The following XIRP2 variants were observed in gnomAD, a reference collection of about 807,000 sequenced individuals.
XIRP2 encodes xin actin-binding repeat-containing protein 2.
Under a neutral mutation model 277.0 loss-of-function variants are expected in XIRP2, and 236 were observed. The observed-to-expected ratio is 0.85, with a 90% CI of 0.77 to 0.95. The LOEUF is 0.95. Among genes scored for constraint, XIRP2 ranks in the 40% least tolerant of loss-of-function variants. XIRP2 has a pLI of 0.00. For synonymous variants in XIRP2, 1,490 were observed against 1,416.5 expected (o/e 1.05, Z -1.17); for missense variants, 4,640 against 4,157.5 (o/e 1.12, Z -3.19).
At chr2:167,190,389 C>G (rs577219018) in intron 3 of XIRP2, among the ~76,000 whole-genome samples, 205 of 152,256 alleles carry the variant, frequency 1.3e-3, no homozygotes, top group South Asian at 0.012. Flanking sequence ...CCCTACCCCC[C>G]ACTCCTGACT....
At chr2:167,015,820 CT>C (rs1366279554) in intron 2 of XIRP2, among the ~76,000 whole-genome samples, 10 of 151,812 alleles carry the variant, frequency 6.6e-5, no homozygotes, top group Middle Eastern at 3.4e-3. Context: ...CCTAAGTTGT[CT>C]TCTTCTGTCT....
intron 2 of XIRP2, among the ~76,000 whole-genome samples, chr2:166,907,606 A>G (rs1202136143): frequency 6.6e-6 from 1 of 150,774 alleles, no homozygotes; most frequent in Admixed American, 6.6e-5. Context: ...TGGACAGGTC[A>G]TAGAAGTTTT....
intron 2 of XIRP2, among the ~76,000 whole-genome samples, chr2:166,951,700 C>T (rs1686037335): frequency 6.6e-6 from 1 of 152,012 alleles, no homozygotes; most frequent in African/African-American, 2.4e-5. Flanking sequence ...AATCACTGGA[C>T]CAGAGGTCAA....
intron 2 of XIRP2, among the ~76,000 whole-genome samples, chr2:166,904,319 G>T (rs1246248245): frequency 6.6e-6 from 1 of 152,148 alleles, no homozygotes; most frequent in Non-Finnish European, 1.5e-5. Flanking sequence ...GAACCACAGT[G>T]ATCCAGGTTT....
Position 167,243,271 on chromosome 2 carries a change from G to A in XIRP2, c.1879G>A (p.Asp627Asn), listed in dbSNP as rs376918960. The A allele has an allele frequency of 3.6e-5, 58 of 1,613,642 alleles. No individual in the cohort carries two copies. The highest frequency in any genetic ancestry group is 4.3e-5 in the Non-Finnish European group (51 of 1,179,806). Residue 627 changes from aspartate to asparagine, a missense_variant, in exon 9 of 11, where the codon GAC becomes AAC. Transcript: ENST00000409195. ...ATGGATGTTTGAAACCCAACCCATC[G>A]ACACACTTGGGGCTTATTCTTCTGA... Reference protein sequence around the residue: ...TTWMFETQPIDTLGAYSSDTV... With the variant: ...TTWMFETQPINTLGAYSSDTV...
rs189929743 is a variant in XIRP2 at position 166,981,917 on chromosome 2, T to C, written c.408+78027T>C. 1.8e-4 allele frequency among the ~76,000 whole-genome samples: 28 copies of C among 152,320 alleles called. No homozygotes were observed. The South Asian group carries it at 5.6e-3, about 30-fold the overall frequency. On this transcript the variant is annotated intron_variant, in intron 2 of 10. Transcript: ENST00000409195. ...AAATAAGATGAAAACATATTTGTGTTTTCTCATACTCTTCTTTCTTTCCTA... is the reference window on the plus strand; with the variant it reads ...AAATAAGATGAAAACATATTTGTGTCTTCTCATACTCTTCTTTCTTTCCTA...
At chr2:167,039,044 A>G (rs1452059988) in intron 2 of XIRP2, among the ~76,000 whole-genome samples, 1 of 152,090 alleles carries the variant, frequency 6.6e-6, no homozygotes, top group African/African-American at 2.4e-5. Flanking sequence ...AACCAATTCT[A>G]TTTACTGCTT....
In XIRP2 at chr2:167,245,039, C is replaced by T. The variant is rs1695204443; in HGVS notation, c.3647C>T (p.Ser1216Leu). The T allele has an allele frequency of 1.9e-6, 3 of 1,612,042 alleles. No homozygotes were observed. Among genetic ancestry groups the T allele is most frequent in the African/African-American group, 1.3e-5 (1 of 74,736 alleles). The change falls in exon 9 of 11, where the codon TCA becomes TTA. Residue 1216 changes from serine (S) to leucine (L), a missense_variant. Transcript: ENST00000409195. ...NQSLDSISSS[S>L]EEVLKKIKTL... ...TCCTTAGATTCTATAAGTTCTAGTT[C>T]AGAGGAAGTTTTGAAAAAGATCAAA... is the stretch of plus-strand genomic sequence containing the variant.
chr2:167,034,988 C>G (rs1279406852), intron 2 of XIRP2, among the ~76,000 whole-genome samples: 1 of 152,120 alleles, frequency 6.6e-6, no homozygotes, highest in Non-Finnish European at 1.5e-5. Flanking sequence ...ATGGGTTTAT[C>G]AGGGGTTTCC....
chr2:167,151,504 A>T (rs916377501), intron 3 of XIRP2, among the ~76,000 whole-genome samples: 6 of 152,138 alleles, frequency 3.9e-5, no homozygotes, highest in African/African-American at 1.4e-4. Flanking sequence ...TAAGGAGCAT[A>T]GTCATCTCAA....
intron 1 of XIRP2, among the ~76,000 whole-genome samples, chr2:166,896,705 T>A (rs979818824): frequency 6.6e-6 from 1 of 152,132 alleles, no homozygotes; most frequent in African/African-American, 2.4e-5. Flanking sequence ...TAATGTCACC[T>A]ATGTATATAT....
At chr2:166,977,999 T>TTTATA (rs1444820952) in intron 2 of XIRP2, among the ~76,000 whole-genome samples, 1 of 152,194 alleles carries the variant, frequency 6.6e-6, no homozygotes, top group African/African-American at 2.4e-5. Flanking sequence ...TCCATTTAAA[T>TTTATA]TTATAATTCA....
chr2:167,116,795 G>A (rs1690908033), intron 2 of XIRP2, among the ~76,000 whole-genome samples: 2 of 152,258 alleles, frequency 1.3e-5, no homozygotes, highest in South Asian at 4.1e-4. Flanking sequence ...CCTCCCAGAG[G>A]GAGTACAATT....
At chr2:167,217,222 A>G (rs1222602764) in intron 4 of XIRP2, among the ~76,000 whole-genome samples, 1 of 150,896 alleles carries the variant, frequency 6.6e-6, no homozygotes, top group East Asian at 2.0e-4. Flanking sequence ...AGCATGGCAC[A>G]TGTATACATA....
chr2:167,256,341 ATTC>A, intron 10 of XIRP2, among the ~76,000 whole-genome samples: 1 of 151,238 alleles, frequency 6.6e-6, no homozygotes, highest in East Asian at 2.0e-4. Context: ...AGTTGTTTTC[ATTC>A]TTCTGTTTCT....
chr2:167,145,968 A>C (rs1691851966), intron 3 of XIRP2, among the ~76,000 whole-genome samples: 1 of 152,236 alleles, frequency 6.6e-6, no homozygotes, highest in African/African-American at 2.4e-5. Context: ...AGAATTAAAC[A>C]GTAAATGAAT....
chr2:167,223,992 A>ATCCACTTTGTGCTGCT (rs1694513420), intron 5 of XIRP2, among the ~76,000 whole-genome samples: 1 of 152,158 alleles, frequency 6.6e-6, no homozygotes, highest in Admixed American at 6.5e-5. Flanking sequence ...ATAAAAAAGA[A>ATCCACTTTGTGCTGCT]ATTTGTCGGC....
intron 3 of XIRP2, among the ~76,000 whole-genome samples, chr2:167,192,700 C>G (rs1196355009): frequency 6.6e-6 from 1 of 152,160 alleles, no homozygotes; most frequent in Non-Finnish European, 1.5e-5. Flanking sequence ...TCTGCGGCAT[C>G]CAGAGCTATT....
chr2:166,998,140 T>A (rs1687272991), intron 2 of XIRP2, among the ~76,000 whole-genome samples: 1 of 152,202 alleles, frequency 6.6e-6, no homozygotes, highest in Non-Finnish European at 1.5e-5. Flanking sequence ...TATTTTGCAT[T>A]GATTCCATGT....
Sources: gnomAD v4.1 joint callset for allele counts (sites outside exome capture counted in the v4.1 genomes callset) on GRCh38, gnomAD v4.1.1 for gene constraint, MANE v1.5 for transcripts, NCBI Gene and HGNC (gene_info 2026-07-23, HGNC 2026-07-21) for gene names.